FBRSL1: variants seen among roughly 807,000 people sequenced by gnomAD.
The protein encoded by FBRSL1 is fibrosin like 1.
A neutral mutation model predicts 89.6 loss-of-function variants in FBRSL1; 51 were observed. That is an observed-to-expected ratio of 0.57 (90% CI 0.45 to 0.72). The LOEUF (loss-of-function observed/expected upper bound fraction) is 0.72. FBRSL1 is among the 30% of genes least tolerant of loss of function. The probability of loss-of-function intolerance (pLI) is 0.00; values close to 1 mark genes in which losing one functional copy is unlikely to be tolerated. For synonymous variants in FBRSL1, 779 were observed against 681.1 expected, an observed-to-expected ratio of 1.14 and a Z score of -2.24; for missense variants, 1,618 against 1,451.8, an observed-to-expected ratio of 1.11 and a Z score of -1.86.
intron 11 of FBRSL1, 49 bp from the exon 12 acceptor site, chr12:132,574,041 C>G: frequency 1.7e-6 from 2 of 1,189,480 alleles, no homozygotes; most frequent in African/African-American, 3.2e-5. Context: ...AGGCGTCCTC[C>G]TGCCTGGGCG....
chr12:132,574,814 C>T (rs2137993150), intron 14 of FBRSL1, among the ~76,000 whole-genome samples: 1 of 152,218 alleles, frequency 6.6e-6, no homozygotes, highest in East Asian at 1.9e-4. Context: ...GGCTGGGCCA[C>T]GGGGAGCAGA....
intron 2 of FBRSL1, among the ~76,000 whole-genome samples, chr12:132,515,585 G>C (rs1262157520): frequency 1.3e-5 from 2 of 150,934 alleles, no homozygotes; most frequent in Non-Finnish European, 2.9e-5. Flanking sequence ...CCATAGTATA[G>C]ACAAGAACAG....
At position 132,490,632 on chromosome 12, in the gene FBRSL1, G is replaced by T. The variant is rs2030679522; in HGVS notation, c.62G>T (p.Arg21Leu). ...SRAQRDRGRR[R>L]EAARDARAQS... ...GCGCAGCGGGACCGTGGCCGGCGCC[G>T]GGAGGCCGCCCGCGACGCCCGCGCC... is the stretch of plus-strand genomic sequence containing the variant. Residue 21 changes from arginine (R) to leucine (L), a missense_variant, in exon 1 of 19, where the codon CGG (arginine) becomes CTG (leucine). Physicochemically the swap from Arg to Leu is moderately radical, Grantham distance 102. Transcript: ENST00000680143. The T allele has an allele frequency of 1.0e-6, 1 of 983,680 alleles. No individual in the cohort carries two copies. The highest frequency in any genetic ancestry group is 4.5e-5 in the South Asian group (1 of 22,184). The allele number at this position is 983,680 out of a possible 1,614,324, so 60.9% of individuals were successfully genotyped here.
chr12:132,531,366 C>A (rs1018370744), intron 4 of FBRSL1, among the ~76,000 whole-genome samples: 11 of 151,932 alleles, frequency 7.2e-5, no homozygotes, highest in Non-Finnish European at 1.3e-4. Context: ...TGTGTGTGGG[C>A]GTGTGTGTGC....
At chr12:132,492,215 G>A (rs1352605090) in intron 1 of FBRSL1, among the ~76,000 whole-genome samples, 2 of 152,188 alleles carry the variant, frequency 1.3e-5, no homozygotes, top group Non-Finnish European at 2.9e-5. Flanking sequence ...CCTAACCGCG[G>A]CTTCCTCACT....
Position 132,497,659 on chromosome 12 carries a change from G to A in FBRSL1, c.291+6798G>A, listed in dbSNP as rs893636346. ...CCTGTCCAGATGAGCTGAGTGAGTG[G>A]CCCCAGGCTAGAATCCAGGCTCTGG... On this transcript the variant is annotated intron_variant, in intron 1 of 18. Transcript: ENST00000680143. 6.6e-5 allele frequency among the ~76,000 whole-genome samples: 10 copies of A among 152,278 alleles called. 1 individual carries two copies. The highest frequency in any genetic ancestry group is 1.9e-4 in the African/African-American group (8 of 41,552).
At position 132,584,819 on chromosome 12, in the gene FBRSL1, T is replaced by C. The variant is rs7962882; in HGVS notation, c.*1041T>C. The C allele has an allele frequency of 0.031, 3,095 of 99,488 alleles. 34 individuals are homozygous for C. The highest frequency in any genetic ancestry group is 0.053 in the Middle Eastern group (12 of 228). The allele number at this position is 99,488 out of a possible 1,614,324, so 6.2% of individuals were successfully genotyped here. On this transcript the variant is annotated 3_prime_UTR_variant, in exon 19 of 19. Transcript: ENST00000680143. ...AGTGCAAGAGTCTAAAGGCTGATTT[T>C]ACACACACACACACACACACACACA...
intron 2 of FBRSL1, chr12:132,509,724 C>G: frequency 8.1e-7 from 1 of 1,231,370 alleles, no homozygotes; most frequent in African/African-American, 1.6e-5. Context: ...CTGCCGACCC[C>G]TGCGGCCGTG....
At chr12:132,515,945 T>C (rs896131268) in intron 2 of FBRSL1, among the ~76,000 whole-genome samples, 1 of 117,880 alleles carries the variant, frequency 8.5e-6, no homozygotes, top group African/African-American at 3.2e-5. Flanking sequence ...AAACAGACAA[T>C]AGAGGAAATG....
At chr12:132,543,844 G>A (rs1262256496) in intron 4 of FBRSL1, among the ~76,000 whole-genome samples, 7 of 152,222 alleles carry the variant, frequency 4.6e-5, no homozygotes, top group Admixed American at 4.6e-4. Flanking sequence ...CCCCACTGCG[G>A]CTCTCACACC....
In FBRSL1 at chr12:132,571,179, C is replaced by A; in HGVS notation, c.1325C>A (p.Pro442Gln). 1 of 1,431,128 alleles carries A rather than the reference C, an allele frequency of 7.0e-7. No individual in the cohort carries two copies. Among genetic ancestry groups the A allele is most frequent in the African/African-American group, 1.4e-5 (1 of 69,592 alleles). 88.7% of individuals were successfully genotyped at this position (1,431,128 alleles called of 1,614,324 possible). ...CCTCTCTTACCTGCACCCCTGGGCCCGCACGTGGCGAGCGGCCACCCCGGC... is the reference window on the plus strand; with the variant it reads ...CCTCTCTTACCTGCACCCCTGGGCCAGCACGTGGCGAGCGGCCACCCCGGC... ...QAPLLPAPLGPHVASGHPGLA... is the reference protein window; with the variant it reads ...QAPLLPAPLGQHVASGHPGLA... Residue 442 changes from proline to glutamine, a missense_variant, in exon 9 of 19, where the codon CCG (proline) becomes CAG (glutamine). Pro to Gln is a moderately conservative substitution (Grantham distance 76). Coordinates refer to ENST00000680143, the MANE Select transcript of FBRSL1 (RefSeq NM_001367871.1).
At chr12:132,573,970 G>A (rs573155395) in intron 11 of FBRSL1, 120 bp from the exon 12 acceptor site, 15 of 457,128 alleles carry the variant, frequency 3.3e-5, no homozygotes, top group Admixed American at 1.0e-4. Context: ...GGGAGACAGC[G>A]TGCGGGGCCC....
At chr12:132,528,357 C>T (rs1437382805) in intron 4 of FBRSL1, among the ~76,000 whole-genome samples, 2 of 152,176 alleles carry the variant, frequency 1.3e-5, no homozygotes, top group African/African-American at 4.8e-5. Context: ...GGCCGGGCTG[C>T]TTCTTGGGGT....
chr12:132,552,255 C>T (rs1051733418), intron 5 of FBRSL1: 17 of 157,946 alleles, frequency 1.1e-4, no homozygotes, highest in South Asian at 9.4e-4. Context: ...GCGCTGTGCC[C>T]GACTGGGTCC....
intron 5 of FBRSL1, among the ~76,000 whole-genome samples, chr12:132,563,871 C>G (rs576240649): frequency 2.7e-5 from 2 of 73,052 alleles, no homozygotes; most frequent in Non-Finnish European, 4.5e-5. Context: ...TACGACTGTA[C>G]ACTCACTCCC....
At chr12:132,523,506 G>T (rs928573631) in intron 2 of FBRSL1, among the ~76,000 whole-genome samples, 3 of 152,092 alleles carry the variant, frequency 2.0e-5, no homozygotes, top group African/African-American at 7.2e-5. Context: ...GGTGGCTTTT[G>T]TGTGGGTGTG....
At chr12:132,557,615 G>A (rs1327250517) in intron 5 of FBRSL1, among the ~76,000 whole-genome samples, 4 of 152,192 alleles carry the variant, frequency 2.6e-5, no homozygotes, top group South Asian at 4.1e-4. Context: ...TGGAAGCCTC[G>A]TTTGTGGCAG....
intron 5 of FBRSL1, among the ~76,000 whole-genome samples, chr12:132,556,267 C>G (rs1443195556): frequency 6.6e-6 from 1 of 152,188 alleles, no homozygotes; most frequent in African/African-American, 2.4e-5. Context: ...CTGGCCTACC[C>G]CTCACCTATG....
intron 6 of FBRSL1, among the ~76,000 whole-genome samples, chr12:132,568,428 T>C (rs2039779727): frequency 6.6e-6 from 1 of 152,130 alleles, no homozygotes; most frequent in Non-Finnish European, 1.5e-5. Flanking sequence ...CAGGCGCAGA[T>C]GGGGTGGTGT....
Sources: gnomAD v4.1 joint callset for allele counts (sites outside exome capture counted in the v4.1 genomes callset) on GRCh38, gnomAD v4.1.1 for gene constraint, MANE v1.5 for transcripts, NCBI Gene and HGNC (gene_info 2026-07-23, HGNC 2026-07-21) for gene names.